The following DNHD1 variants were observed in gnomAD, a reference collection of about 807,000 sequenced individuals.
DNHD1 encodes the protein dynein heavy chain domain 1.
Under a neutral mutation model 458.1 loss-of-function variants are expected in DNHD1, and 383 were observed. The ratio of observed to expected loss-of-function variants is 0.84; its 90% CI spans 0.77 to 0.91. The LOEUF is 0.91. Among genes scored for constraint, DNHD1 ranks in the 40% least tolerant of loss-of-function variants. The pLI, the probability that DNHD1 is intolerant of heterozygous loss-of-function variation, is 0.00. For synonymous variants in DNHD1, 2,203 were observed against 2,376.9 expected (o/e 0.93, Z 2.13); for missense variants, 5,336 against 5,866.1 (o/e 0.91, Z 2.95).
At chr11:6,502,298 G>A (rs1852153500) in intron 3 of DNHD1, among the ~76,000 whole-genome samples, 1 of 152,156 alleles carries the variant, frequency 6.6e-6, no homozygotes, top group African/African-American at 2.4e-5. Flanking sequence ...ATCATTCAGG[G>A]TTGGAAAGCA....
At chr11:6,534,699 G>C (rs1852907016) in intron 14 of DNHD1, among the ~76,000 whole-genome samples, 1 of 152,240 alleles carries the variant, frequency 6.6e-6, no homozygotes, top group African/African-American at 2.4e-5. Flanking sequence ...AGGTAAGCTG[G>C]TTCCCTTCTG....
intron 37 of DNHD1, 37 bp from the exon 38 acceptor site, chr11:6,568,417 A>C: frequency 6.2e-7 from 1 of 1,609,952 alleles, no homozygotes; most frequent in South Asian, 1.1e-5. Context: ...CTGACCCTTT[A>C]TCCAAGGACT....
In DNHD1 at chr11:6,546,918, T is replaced by C; in HGVS notation, c.5979T>C (p.Pro1993=). The stretch of plus-strand genomic sequence containing the variant: ...CCTCAGGCATTCTGCTCCTGGGCCC[T>C]GCGGGCAGCGGCAAGACCACTTGTT... ...SRASGILLLG[P]AGSGKTTCWH... is the part of the protein sequence containing the mutation. The change falls in exon 21 of 43, where the codon CCT becomes CCC. Residue 1993 remains proline, a synonymous_variant. Transcript: ENST00000254579. 6.4e-7 allele frequency: 1 copy of C among 1,551,572 alleles called. No homozygotes were observed. Among genetic ancestry groups the C allele is most frequent in the Non-Finnish European group, 8.7e-7 (1 of 1,146,904 alleles).
rs749339161 is a variant in DNHD1 at position 6,498,432 on chromosome 11, T to A, written c.217T>A (p.Leu73Met). 40 of 1,614,116 alleles carry A rather than the reference T, an allele frequency of 2.5e-5. No individual in the cohort carries two copies. Among genetic ancestry groups the A allele is most frequent in the Non-Finnish European group, 2.8e-5 (33 of 1,180,054 alleles). ...AELRTLFSAV[L>M]QDSSPAAWRY... ...GCTCCGAACTCTGTTCTCAGCTGTG[T>A]TGCAGGACAGTAGCCCTGCAGCTTG... is the stretch of plus-strand genomic sequence containing the variant. Residue 73 changes from leucine (L) to methionine (M), a missense_variant, in exon 3 of 43, where the codon TTG becomes ATG. By Grantham distance (15) the Leu-to-Met change is conservative (BLOSUM62 2). This residue lies in a region of DNHD1 where 3,932 missense variants were observed against 4,365.6 expected (regional missense o/e 0.90). Coordinates refer to ENST00000254579, the MANE Select transcript of DNHD1 (RefSeq NM_144666.3).
chr11:6,519,780 G>T lies in DNHD1; in HGVS notation c.1573G>T (p.Asp525Tyr). ...LQLGKFARLV[D>Y]YMICQSLISV... ...GCTGGGAAAGTTTGCCCGCCTGGTT[G>T]ACTACATGATTTGTCAGAGCCTCAT... Residue 525 changes from aspartate (D) to tyrosine (Y), a missense_variant, in exon 8 of 43, where the codon GAC (aspartate) becomes TAC (tyrosine). Transcript: ENST00000254579. 6.2e-7 allele frequency: 1 copy of T among 1,613,760 alleles called. No homozygotes were observed. The highest frequency in any genetic ancestry group is 8.5e-7 in the Non-Finnish European group (1 of 1,180,032).
rs1315193983 is a variant in DNHD1 at position 6,571,744 on chromosome 11, C to G, written c.14020C>G (p.Pro4674Ala). Reference sequence around the variant, plus strand: ...AATAGCTGGAGCCTTGCAGGACAGTCCTTCCAGCCAACCCAGCCCTCTGCC... The same window carrying G: ...AATAGCTGGAGCCTTGCAGGACAGTGCTTCCAGCCAACCCAGCCCTCTGCC... ...DPIAGALQDS[P>A]SSQPSPLPPV... Residue 4674 changes from proline (P) to alanine (A), a missense_variant, in exon 43 of 43, where the codon CCT (proline) becomes GCT (alanine). Around this residue, in one of 4 missense-constraint regions of DNHD1, gnomAD observed 698 missense variants for 664.9 expected, o/e 1.05. Coordinates refer to ENST00000254579, the MANE Select transcript of DNHD1 (RefSeq NM_144666.3). This position sits in a 1 kb window ranked among gnomAD's most constrained non-coding sequence, Gnocchi z 5.0. The G allele has an allele frequency of 6.2e-7, 1 of 1,613,236 alleles. No individual in the cohort carries two copies. The highest frequency in any genetic ancestry group is 1.6e-4 in the Middle Eastern group (1 of 6,062).
chr11:6,566,805 G>A, intron 35 of DNHD1, 40 bp downstream of exon 35: 1 of 1,601,532 alleles, frequency 6.2e-7, no homozygotes, highest in Non-Finnish European at 8.5e-7. Flanking sequence ...ATGAGCATTG[G>A]ATGGACCTGG....
At chr11:6,520,995 C>G in intron 10 of DNHD1, 1 of 461,098 alleles carries the variant, frequency 2.2e-6, no homozygotes, top group Non-Finnish European at 2.9e-6. Flanking sequence ...TGAAAGGAAC[C>G]TGTGTCTTTT....
At chr11:6,570,513 T>C (rs1853819950) in intron 41 of DNHD1, 105 bp from the exon 42 acceptor site, 6 of 1,479,518 alleles carry the variant, frequency 4.1e-6, no homozygotes, top group Non-Finnish European at 5.4e-6. Context: ...ATATTCATAC[T>C]GTTATGGGGG....
intron 10 of DNHD1, chr11:6,520,973 A>C: frequency 1.5e-6 from 1 of 684,558 alleles, no homozygotes; most frequent in Non-Finnish European, 1.8e-6. Flanking sequence ...GACAAGGAGC[A>C]AAAAGGTTCA....
rs542952672 is a variant in DNHD1 at position 6,513,869 on chromosome 11, A to G, written c.1392+2440A>G. Among the ~76,000 whole-genome samples the G allele has an allele frequency of 7.3e-5, 11 of 150,228 alleles. No homozygotes were observed. In the South Asian group the frequency reaches 2.3e-3, roughly 31 times the overall value. ...TCATTCTTTTTTTTTTTTGAGACGG[A>G]GTCTCATTCTGTCGCCCAGGCTGGA... On this transcript the variant is annotated intron_variant, in intron 7 of 42. Coordinates refer to ENST00000254579, the MANE Select transcript of DNHD1 (RefSeq NM_144666.3).
rs1219625088 is a variant in DNHD1 at position 6,564,525 on chromosome 11, G to C, written c.10477G>C (p.Val3493Leu). 3 of 1,551,570 alleles carry C rather than the reference G, an allele frequency of 1.9e-6. No homozygotes were observed. Among genetic ancestry groups the C allele is most frequent in the Non-Finnish European group, 2.6e-6 (3 of 1,146,996 alleles). ...AQALKRKQKS[V>L]SIPPKNPLLA... ...GGCACTGAAGCGGAAGCAAAAATCT[G>C]TCAGCATACCACCAAAGAACCCCCT... Residue 3493 changes from valine (V) to leucine (L), a missense_variant, in exon 32 of 43, where the codon GTC becomes CTC. This residue lies in a region of DNHD1 where 3,932 missense variants were observed against 4,365.6 expected (regional missense o/e 0.90). Coordinates refer to ENST00000254579, the MANE Select transcript of DNHD1 (RefSeq NM_144666.3).
chr11:6,550,010 T>C (rs777484261), intron 24 of DNHD1, among the ~76,000 whole-genome samples: 2 of 152,308 alleles, frequency 1.3e-5, no homozygotes, highest in African/African-American at 2.4e-5. Context: ...AAGCACTGGA[T>C]AGGCTATCCA....
Position 6,539,863 on chromosome 11 carries a change from C to A in DNHD1, c.3421-13C>A. ...GTTACCCAGTCCTGGTTCCTGAGAC[C>A]CAGCTGTTCCAGGTCTGGCAGAATG... On this transcript the variant is annotated splice_polypyrimidine_tract_variant and intron_variant, in intron 17 of 42. Transcript: ENST00000254579. The A allele has an allele frequency of 1.3e-6, 2 of 1,551,576 alleles. No individual in the cohort carries two copies. The highest frequency in any genetic ancestry group is 1.7e-6 in the Non-Finnish European group (2 of 1,146,858).
chr11:6,556,800 C>T lies in DNHD1; in HGVS notation c.7505C>T (p.Ala2502Val). The change falls in exon 25 of 43, where the codon GCC becomes GTC. Residue 2502 changes from alanine to valine, a missense_variant. Physicochemically the swap from Ala to Val is moderately conservative, Grantham distance 64. This residue lies in a region of DNHD1 where 3,932 missense variants were observed against 4,365.6 expected (regional missense o/e 0.90). Coordinates refer to ENST00000254579, the MANE Select transcript of DNHD1 (RefSeq NM_144666.3). Reference sequence around the variant, plus strand: ...CTGCAGCCTACAGTCAACTTCCTTGCCACTGTCACAGTGCCAGGATACTGT... The same window carrying T: ...CTGCAGCCTACAGTCAACTTCCTTGTCACTGTCACAGTGCCAGGATACTGT... ...QTLQPTVNFL[A>V]TVTVPGYCER... The T allele has an allele frequency of 1.3e-6, 2 of 1,551,656 alleles. No homozygotes were observed. The highest frequency in any genetic ancestry group is 2.4e-5 in the South Asian group (2 of 84,052).
In DNHD1 at chr11:6,544,946, T is replaced by G; in HGVS notation, c.4007T>G (p.Val1336Gly). 2 of 1,551,644 alleles carry G rather than the reference T, an allele frequency of 1.3e-6. No individual in the cohort carries two copies. The highest frequency in any genetic ancestry group is 1.7e-6 in the Non-Finnish European group (2 of 1,146,960). ...CAACAACTGCTGCAAGCAGGATCGG[T>G]GGAGCTGGAGGGCATCATCATGAGT... ...QLQQLLQAGS[V>G]ELEGIIMSLE... The change falls in exon 21 of 43, where the codon GTG becomes GGG. Residue 1336 changes from valine (V) to glycine (G), a missense_variant. Physicochemically the swap from Val to Gly is moderately radical, Grantham distance 109 (BLOSUM62 -3). Coordinates refer to ENST00000254579, the MANE Select transcript of DNHD1 (RefSeq NM_144666.3).
Position 6,534,082 on chromosome 11 carries a change from T to C in DNHD1, c.2907T>C (p.Ser969=). ...PFMDPTQDQR[S]TEHQLVSLER... Reference sequence around the variant, plus strand: ...TGGACCCCACACAAGATCAGAGGAGTACTGAGCACCAGCTCGTCTCCCTAG... The same window carrying C: ...TGGACCCCACACAAGATCAGAGGAGCACTGAGCACCAGCTCGTCTCCCTAG... Residue 969 remains serine, a synonymous_variant, in exon 14 of 43, where the codon AGT becomes AGC. Transcript: ENST00000254579. 6.4e-7 allele frequency: 1 copy of C among 1,551,082 alleles called. No individual in the cohort carries two copies. The highest frequency in any genetic ancestry group is 1.4e-5 in the African/African-American group (1 of 72,954).
rs1469054450 is a variant in DNHD1, at chr11:6,568,318, G to C, written c.12538+76G>C. The C allele has an allele frequency of 1.2e-5, 19 of 1,537,418 alleles. No individual in the cohort carries two copies. In the Admixed American group the frequency reaches 3.3e-4, roughly 27 times the overall value. On this transcript the variant is annotated intron_variant, in intron 37 of 42. Coordinates refer to ENST00000254579, the MANE Select transcript of DNHD1 (RefSeq NM_144666.3). ...CTTAGCTTGAAATCTCAGGCCTCAT[G>C]GCCAGTGACCTAGCACCAAACTTGT...
rs977361857 is a variant in DNHD1, at chr11:6,558,841, C to G, written c.9212-61C>G. On this transcript the variant is annotated intron_variant, in intron 26 of 42. Transcript: ENST00000254579. ...CTTCTTCCTGAGCTAGGAGAGGATC[C>G]CTTTCCTTTCCTGTTTTCCTACAAG... is the stretch of plus-strand genomic sequence containing the variant. 17 of 1,525,444 alleles carry G rather than the reference C, an allele frequency of 1.1e-5. No individual in the cohort carries two copies. In the African/African-American group the frequency reaches 1.7e-4, roughly 15 times the overall value. 94.5% of individuals were successfully genotyped at this position (1,525,444 alleles called of 1,614,324 possible).
Sources: allele counts gnomAD v4.1 joint callset (sites outside exome capture counted in the v4.1 genomes callset), GRCh38; gene constraint gnomAD v4.1.1; regional missense constraint gnomAD v4.1.1; non-coding constraint Gnocchi (gnomAD v3.1); transcripts MANE v1.5; gene names NCBI Gene and HGNC (gene_info 2026-07-23, HGNC 2026-07-21).